MLLT10: variants seen among roughly 807,000 people sequenced by gnomAD.
The protein encoded by MLLT10 is protein AF-10.
In MLLT10, 30 loss-of-function variants were observed where a neutral mutation model predicts 129.1. The ratio of observed to expected loss-of-function variants is 0.23; its 90% CI spans 0.17 to 0.32. The LOEUF is 0.32. MLLT10 is among the 10% of genes least tolerant of loss of function. MLLT10 has a pLI of 1.00. For missense variants in MLLT10, 1,119 were observed against 1,268.3 expected, an observed-to-expected ratio of 0.88 and a Z score of 1.79; for synonymous variants, 490 against 446.4, an observed-to-expected ratio of 1.10 and a Z score of -1.23.
chr10:21,557,567 T>A (rs989082148), intron 3 of MLLT10: 1 of 152,594 alleles, frequency 6.6e-6, no homozygotes, highest in Non-Finnish European at 1.5e-5. Flanking sequence ...GGTTTAGGAC[T>A]TCACCTCTTA....
intron 8 of MLLT10, among the ~76,000 whole-genome samples, chr10:21,640,148 A>G (rs2047843502): frequency 1.4e-5 from 2 of 147,132 alleles, no homozygotes; most frequent in South Asian, 2.1e-4. Context: ...GACAAAACCA[A>G]TATATGTATA....
intron 5 of MLLT10, among the ~76,000 whole-genome samples, chr10:21,605,922 GT>G (rs888831800): frequency 2.0e-5 from 3 of 151,768 alleles, no homozygotes; most frequent in African/African-American, 7.2e-5. Flanking sequence ...GAAATTGCAT[GT>G]TTTTTTTCTT....
In MLLT10 at chr10:21,733,952, C is replaced by T; in HGVS notation, c.2681C>T (p.Ala894Val). ...PVTSTIPAVS[A>V]VGGIIGALPG... ...ACTTCCACCATTCCTGCCGTGTCTG[C>T]AGTGGGTGGAATAATTGGAGCTTTG... Residue 894 changes from alanine to valine, a missense_variant, in exon 20 of 23, where the codon GCA (alanine) becomes GTA (valine). Coordinates refer to ENST00000307729, the MANE Select transcript of MLLT10 (RefSeq NM_001195626.3). The T allele has an allele frequency of 1.9e-6, 3 of 1,614,170 alleles. No individual in the cohort carries two copies. The highest frequency in any genetic ancestry group is 2.5e-6 in the Non-Finnish European group (3 of 1,180,040).
At chr10:21,547,395 G>C (rs1194455059) in intron 3 of MLLT10, among the ~76,000 whole-genome samples, 1 of 144,224 alleles carries the variant, frequency 6.9e-6, no homozygotes, top group Non-Finnish European at 1.5e-5. Flanking sequence ...TTATTACTCT[G>C]CTGTTTTCTT....
intron 9 of MLLT10, chr10:21,668,774 A>AT: frequency 3.3e-6 from 1 of 305,800 alleles, no homozygotes; most frequent in Non-Finnish European, 4.8e-6. Flanking sequence ...TCTAATGTAG[A>AT]TTGTCATGTG....
intron 4 of MLLT10, among the ~76,000 whole-genome samples, chr10:21,586,998 G>A (rs2042052295): frequency 6.6e-6 from 1 of 150,764 alleles, no homozygotes; most frequent in Admixed American, 6.6e-5. Flanking sequence ...AAAATCTGTT[G>A]TTTTAGATTC....
intron 4 of MLLT10, among the ~76,000 whole-genome samples, chr10:21,588,220 C>A (rs1277639972): frequency 6.6e-6 from 1 of 152,124 alleles, no homozygotes; most frequent in Non-Finnish European, 1.5e-5. Flanking sequence ...GTATGTGCCA[C>A]CACGCCCGGC....
intron 8 of MLLT10, among the ~76,000 whole-genome samples, chr10:21,630,628 C>T (rs1045346486): frequency 6.6e-6 from 1 of 152,232 alleles, no homozygotes; most frequent in African/African-American, 2.4e-5. Context: ...TGCCCCAGGT[C>T]ACCCTGTCAG....
intron 16 of MLLT10, among the ~76,000 whole-genome samples, chr10:21,728,780 C>T (rs948176495): frequency 4.6e-5 from 7 of 151,692 alleles, no homozygotes; most frequent in African/African-American, 1.5e-4. Flanking sequence ...ATAATCCCAG[C>T]GCTTTGGGAG....
At chr10:21,723,261 TAAGATAATTCA>T in intron 14 of MLLT10, among the ~76,000 whole-genome samples, 1 of 152,302 alleles carries the variant, frequency 6.6e-6, no homozygotes, top group Admixed American at 6.5e-5. Context: ...ATAGGGAAAC[TAAGATAATTCA>T]GAGACTAGAT....
At chr10:21,621,066 G>GCTCCGC (rs1256716922) in intron 8 of MLLT10, among the ~76,000 whole-genome samples, 1 of 150,998 alleles carries the variant, frequency 6.6e-6, no homozygotes, top group Non-Finnish European at 1.5e-5. Context: ...TTTACTGCAA[G>GCTCCGC]CTCCGCCTCC....
At chr10:21,616,642 A>T (rs1337236630) in intron 7 of MLLT10, among the ~76,000 whole-genome samples, 1 of 151,930 alleles carries the variant, frequency 6.6e-6, no homozygotes, top group Non-Finnish European at 1.5e-5. Context: ...TTATTTATTG[A>T]ACTGCAGAGA....
chr10:21,656,258 A>G (rs995507126), intron 9 of MLLT10, among the ~76,000 whole-genome samples: 2 of 152,140 alleles, frequency 1.3e-5, no homozygotes, highest in African/African-American at 4.8e-5. Flanking sequence ...CAGGGAAAGA[A>G]AGGCTGTTTT....
intron 5 of MLLT10, among the ~76,000 whole-genome samples, chr10:21,608,024 T>C (rs2044236698): frequency 3.3e-5 from 5 of 151,676 alleles, no homozygotes; most frequent in Admixed American, 3.3e-4. Context: ...TTTTTCTTCT[T>C]TTTTTTTGGT....
intron 4 of MLLT10, among the ~76,000 whole-genome samples, chr10:21,592,939 T>G (rs952127848): frequency 1.3e-5 from 2 of 152,236 alleles, no homozygotes; most frequent in Non-Finnish European, 2.9e-5. Context: ...TCTGATTACA[T>G]GTGTGTTAGA....
At position 21,673,252 on chromosome 10, in the gene MLLT10, A is replaced by T. The variant is rs2051671629; in HGVS notation, c.1052-98A>T. ...TTTTTTTAAACTCTTCTCTTTAATG[A>T]TTATATCATGTCTGCTGCTTATGGG... On this transcript the variant is annotated intron_variant, in intron 10 of 22. Transcript: ENST00000307729. The T allele has an allele frequency of 4.2e-6, 3 of 717,066 alleles. No homozygotes were observed. The Admixed American group carries it at 9.5e-5, about 23-fold the overall frequency. 44.4% of individuals were successfully genotyped at this position (717,066 alleles called of 1,614,324 possible).
At chr10:21,569,709 C>T (rs2039994046) in intron 3 of MLLT10, among the ~76,000 whole-genome samples, 1 of 151,782 alleles carries the variant, frequency 6.6e-6, no homozygotes, top group Non-Finnish European at 1.5e-5. Context: ...GTGTGAGCCA[C>T]CATGCCCGGC....
At chr10:21,737,809 A>G (rs967738099) in intron 21 of MLLT10, among the ~76,000 whole-genome samples, 10 of 152,122 alleles carry the variant, frequency 6.6e-5, no homozygotes, top group Admixed American at 5.2e-4. Flanking sequence ...TGGAGAATGC[A>G]TTGCTTAATT....
chr10:21,664,512 G>C (rs1191400622), intron 9 of MLLT10, among the ~76,000 whole-genome samples: 1 of 151,848 alleles, frequency 6.6e-6, no homozygotes, highest in Non-Finnish European at 1.5e-5. Flanking sequence ...GGTCAGGATG[G>C]TCGCGATCTC....
Sources: allele counts gnomAD v4.1 joint callset (sites outside exome capture counted in the v4.1 genomes callset), GRCh38; gene constraint gnomAD v4.1.1; transcripts MANE v1.5; gene names NCBI Gene and HGNC (gene_info 2026-07-23, HGNC 2026-07-21).